MAMLD1: variants seen among roughly 807,000 people sequenced by gnomAD.
The protein encoded by MAMLD1 is mastermind-like domain-containing protein 1.
In MAMLD1, 14 loss-of-function variants were observed where a neutral mutation model predicts 45.0. The observed-to-expected ratio is 0.31, with a 90% CI of 0.21 to 0.49. MAMLD1 has a LOEUF of 0.49. MAMLD1 is among the 20% of genes least tolerant of loss of function. The pLI, the probability that MAMLD1 is intolerant of heterozygous loss-of-function variation, is 0.99. For missense variants in MAMLD1, 543 were observed against 603.6 expected (o/e 0.90, Z 1.05); for synonymous variants, 254 against 247.8 (o/e 1.02, Z -0.24).
chrX:150,435,106 T>C (rs1602789256), intron 1 of MAMLD1, among the ~76,000 whole-genome samples: 1 of 112,085 alleles, frequency 8.9e-6, no homozygotes, highest in South Asian at 3.7e-4. Flanking sequence ...GTTGGGTGCA[T>C]ATGTATTTAG....
At chrX:150,511,121 G>A (rs1557409100) in intron 7 of MAMLD1, among the ~76,000 whole-genome samples, 1 of 112,240 alleles carries the variant, frequency 8.9e-6, no homozygotes, top group Non-Finnish European at 1.9e-5. Context: ...CACTGGGCTT[G>A]TGCTCTGACT....
chrX:150,428,658 G>A (rs1300323084), intron 1 of MAMLD1, among the ~76,000 whole-genome samples: 1 of 112,130 alleles, frequency 8.9e-6, no homozygotes, highest in Non-Finnish European at 1.9e-5. Context: ...TCATCTAGAG[G>A]GAAAGAAGAA....
chrX:150,485,789 A>G (rs1362621641), intron 5 of MAMLD1, among the ~76,000 whole-genome samples: 12 of 112,328 alleles, frequency 1.1e-4, no homozygotes, highest in African/African-American at 3.9e-4. Flanking sequence ...TGTATTTGCT[A>G]GAGTGCATTG....
At chrX:150,416,827 T>A (rs2034259851) in intron 1 of MAMLD1, among the ~76,000 whole-genome samples, 1 of 112,267 alleles carries the variant, frequency 8.9e-6, no homozygotes, top group Non-Finnish European at 1.9e-5. Context: ...TCATTATAAG[T>A]AATGAAAGCA....
intron 1 of MAMLD1, among the ~76,000 whole-genome samples, chrX:150,388,960 G>A (rs1440373691): frequency 8.9e-6 from 1 of 111,883 alleles, no homozygotes; most frequent in Non-Finnish European, 1.9e-5. Context: ...ATGTACATAT[G>A]CTTTTAGTGC....
intron 2 of MAMLD1, among the ~76,000 whole-genome samples, chrX:150,450,755 C>T (rs192872295): frequency 9.0e-6 from 1 of 111,495 alleles, no homozygotes; most frequent in East Asian, 2.8e-4. Flanking sequence ...AAATGTGTGT[C>T]CTGACCCCTG....
chrX:150,499,360 C>T (rs1224404031), intron 5 of MAMLD1, among the ~76,000 whole-genome samples: 16 of 111,758 alleles, frequency 1.4e-4, no homozygotes, highest in African/African-American at 4.2e-4. Context: ...TGCCTCCTTC[C>T]GAATCACCAG....
At chrX:150,488,413 T>C (rs374010301) in intron 5 of MAMLD1, among the ~76,000 whole-genome samples, 26 of 113,012 alleles carry the variant, frequency 2.3e-4, no homozygotes, top group African/African-American at 7.4e-4. Flanking sequence ...TCCTGACTTC[T>C]GGCTGCATCT....
chrX:150,395,298 A>T (rs1481479321), intron 1 of MAMLD1, among the ~76,000 whole-genome samples: 1 of 111,954 alleles, frequency 8.9e-6, no homozygotes, highest in African/African-American at 3.2e-5. Flanking sequence ...GTCATAGTAT[A>T]TAATTGTTTT....
intron 1 of MAMLD1, among the ~76,000 whole-genome samples, chrX:150,380,668 C>T (rs781996767): frequency 9.0e-6 from 1 of 111,509 alleles, no homozygotes; most frequent in South Asian, 3.8e-4. Flanking sequence ...CATTTAGATT[C>T]CTAATCCATT....
intron 5 of MAMLD1, among the ~76,000 whole-genome samples, chrX:150,479,494 G>A (rs1557407035): frequency 8.9e-6 from 1 of 112,261 alleles, no homozygotes; most frequent in Non-Finnish European, 1.9e-5. Flanking sequence ...CATATCTGAA[G>A]AGAAACAAGG....
chrX:150,477,628 T>G (rs1386195785), intron 5 of MAMLD1, among the ~76,000 whole-genome samples: 1 of 111,593 alleles, frequency 9.0e-6, no homozygotes, highest in Non-Finnish European at 1.9e-5. Flanking sequence ...CCCCTGACCG[T>G]GGGTAGGGGA....
At position 150,512,154 on chromosome X, in the gene MAMLD1, T is replaced by G. The variant is rs1290835918; in HGVS notation, c.*195T>G. The G allele has an allele frequency of 8.7e-7, 1 of 1,149,393 alleles. No individual in the cohort carries two copies. Among genetic ancestry groups the G allele is most frequent in the Admixed American group, 2.6e-5 (1 of 38,144 alleles). 94.7% of individuals were successfully genotyped at this position (1,149,393 alleles called of 1,213,427 possible). On this transcript the variant is annotated 3_prime_UTR_variant, in exon 8 of 8. Transcript: ENST00000370401. The stretch of plus-strand genomic sequence containing the variant: ...ACCAGGCACCAGAGCTGCGAGGGCA[T>G]GGGAGTGATCTCACCAACTCTGGGG...
intron 5 of MAMLD1, among the ~76,000 whole-genome samples, chrX:150,496,967 A>G (rs2037398468): frequency 8.9e-6 from 1 of 112,861 alleles, no homozygotes; most frequent in Non-Finnish European, 1.9e-5. Context: ...GTAGCAATTT[A>G]TCAGTTGAAC....
intron 5 of MAMLD1, among the ~76,000 whole-genome samples, chrX:150,484,714 T>A (rs1203656309): frequency 1.8e-5 from 2 of 112,453 alleles, no homozygotes; most frequent in Non-Finnish European, 3.8e-5. Flanking sequence ...CAACGTGGTC[T>A]CAGGAACTTA....
At chrX:150,425,394 T>C (rs1490842810) in intron 1 of MAMLD1, among the ~76,000 whole-genome samples, 1 of 112,760 alleles carries the variant, frequency 8.9e-6, no homozygotes, top group Non-Finnish European at 1.9e-5. Context: ...AAGTCAACTT[T>C]TCAAAGCTAA....
Position 150,470,251 on chromosome X carries a change from G to A in MAMLD1, c.678G>A (p.Gln226=). The A allele has an allele frequency of 8.3e-7, 1 of 1,211,556 alleles. No individual in the cohort carries two copies. Among genetic ancestry groups the A allele is most frequent in the Non-Finnish European group, 1.1e-6 (1 of 895,242 alleles). The change falls in exon 4 of 8, where the codon CAG becomes CAA. Residue 226 remains glutamine, a synonymous_variant. Coordinates refer to ENST00000370401, the MANE Select transcript of MAMLD1 (RefSeq NM_005491.5). ...GCACAACTCCCAAGCCTTCGGTTCAGATGTCACACTTGGAGAGCCTGGCTT... is the reference window on the plus strand; with the variant it reads ...GCACAACTCCCAAGCCTTCGGTTCAAATGTCACACTTGGAGAGCCTGGCTT... ...TLSTTPKPSV[Q]MSHLESLASS... is the part of the protein sequence containing the mutation.
At chrX:150,476,785 G>A (rs1185899070) in intron 5 of MAMLD1, among the ~76,000 whole-genome samples, 1 of 113,114 alleles carries the variant, frequency 8.8e-6, no homozygotes, top group African/African-American at 3.2e-5. Flanking sequence ...TACTGGGTCT[G>A]ATATGCTTTC....
intron 1 of MAMLD1, among the ~76,000 whole-genome samples, chrX:150,421,776 C>T (rs1557403558): frequency 8.9e-6 from 1 of 112,290 alleles, no homozygotes; most frequent in African/African-American, 3.2e-5. Context: ...TGATTCAGGG[C>T]TTCAATTCCC....
Sources: gnomAD v4.1 joint callset for allele counts (sites outside exome capture counted in the v4.1 genomes callset) on GRCh38, gnomAD v4.1.1 for gene constraint, MANE v1.5 for transcripts, NCBI Gene and HGNC (gene_info 2026-07-23, HGNC 2026-07-21) for gene names.